INTS1: variants seen among roughly 807,000 people sequenced by gnomAD.
INTS1 encodes integrator complex subunit 1.
INTS1 carries 137 observed loss-of-function variants against 241.6 expected under a neutral mutation model. The observed-to-expected ratio is 0.57, with a 90% CI of 0.49 to 0.65. INTS1 has a LOEUF of 0.65. Ranked by LOEUF, INTS1 falls within the 30% of genes least tolerant of loss-of-function variation. The pLI is 0.00. For synonymous variants in INTS1, 1,692 were observed against 1,337.8 expected, an observed-to-expected ratio of 1.26 and a Z score of -5.78; for missense variants, 3,073 against 3,032.2, an observed-to-expected ratio of 1.01 and a Z score of -0.32.
In INTS1 at chr7:1,476,254, C is replaced by G; in HGVS notation, c.5353G>C (p.Gly1785Arg). The change falls in exon 38 of 48, where the codon GGC becomes CGC. Residue 1785 changes from glycine (G) to arginine (R), a missense_variant. Coordinates refer to ENST00000404767, the MANE Select transcript of INTS1 (RefSeq NM_001080453.3). ...SVRKVTEHLS[G>R]CIQQWGDSVL... Reference sequence around the variant, plus strand: ...CTGTCTCCCCACTGCTGGATGCAGCCTGACAGGTGCTCCGTCACCTTCCTG... The same window carrying G: ...CTGTCTCCCCACTGCTGGATGCAGCGTGACAGGTGCTCCGTCACCTTCCTG... The G allele has an allele frequency of 1.3e-6, 2 of 1,564,484 alleles. No homozygotes were observed. The highest frequency in any genetic ancestry group is 2.4e-5 in the South Asian group (2 of 85,012).
At chr7:1,504,143 C>T in intron 1 of INTS1, 142 bp from the exon 2 acceptor site, 2 of 562,290 alleles carry the variant, frequency 3.6e-6, no homozygotes, top group Non-Finnish European at 3.1e-6. Context: ...GCTGCAGGAG[C>T]TGCAGGGACC....
chr7:1,484,336 G>A (rs1782145693), intron 24 of INTS1, among the ~76,000 whole-genome samples, 166 bp from the exon 25 acceptor site: 1 of 152,166 alleles, frequency 6.6e-6, no homozygotes, highest in African/African-American at 2.4e-5. Flanking sequence ...ACCAGAGCTG[G>A]GTCGGACTCT....
In INTS1 at chr7:1,481,356, T is replaced by C; in HGVS notation, c.3836A>G (p.Asn1279Ser). The C allele has an allele frequency of 1.9e-6, 3 of 1,612,962 alleles. No homozygotes were observed. The highest frequency in any genetic ancestry group is 1.1e-5 in the South Asian group (1 of 91,078). The change falls in exon 28 of 48, where the codon AAC becomes AGC. Residue 1279 changes from asparagine (N) to serine (S), a missense_variant. Physicochemically the swap from Asn to Ser is conservative, Grantham distance 46. Coordinates refer to ENST00000404767, the MANE Select transcript of INTS1 (RefSeq NM_001080453.3). This position sits in a 1 kb window ranked among gnomAD's most constrained non-coding sequence, Gnocchi z 6.8. Reference protein sequence around the residue: ...VAHDPQTLEQNIMDKNYMAHL... With the variant: ...VAHDPQTLEQSIMDKNYMAHL... ...TGGCATCTTACTCTTGTCCATGATG[T>C]TCTGCTCCAGAGTCTGGGGGTCGTG...
rs752105417 is a variant in INTS1, at chr7:1,504,389, C to G, written c.-108G>C. 2.4e-4 allele frequency: 114 copies of G among 472,516 alleles called. No individual in the cohort carries two copies. The highest frequency in any genetic ancestry group is 1.3e-3 in the Middle Eastern group (4 of 3,030). The allele number at this position is 472,516 out of a possible 1,614,324, so 29.3% of individuals were successfully genotyped here. On this transcript the variant is annotated 5_prime_UTR_variant, in exon 1 of 48. Coordinates refer to ENST00000404767, the MANE Select transcript of INTS1 (RefSeq NM_001080453.3). ...CCACCCCGGAATCGGAAACCGATCT[C>G]ACCGCCCTCGAGGACCCGACTTCCG...
At chr7:1,471,712 C>G (rs950417947) in intron 44 of INTS1, 71 bp from the exon 45 acceptor site, 103 of 1,470,906 alleles carry the variant, frequency 7.0e-5, no homozygotes, top group Non-Finnish European at 9.1e-5. Context: ...ACCCCAGCCA[C>G]CCAGAGGGGG....
rs752156807 is a variant in INTS1 at position 1,481,367 on chromosome 7, A to G, written c.3825T>C (p.Thr1275=). ...TCTTGTCCATGATGTTCTGCTCCAG[A>G]GTCTGGGGGTCGTGGGCCACTGCCT... ...LDQAVAHDPQ[T]LEQNIMDKNY... Residue 1275 remains threonine, a synonymous_variant, in exon 28 of 48, where the codon ACT becomes ACC. Coordinates refer to ENST00000404767, the MANE Select transcript of INTS1 (RefSeq NM_001080453.3). This position sits in a 1 kb window ranked among gnomAD's most constrained non-coding sequence, Gnocchi z 6.8. The G allele has an allele frequency of 4.3e-6, 7 of 1,612,658 alleles. No homozygotes were observed. Among genetic ancestry groups the G allele is most frequent in the Non-Finnish European group, 5.1e-6 (6 of 1,179,582 alleles).
rs1781828169 is a variant in INTS1, at chr7:1,478,357, G to C, written c.4630+9C>G. 3 of 1,611,346 alleles carry C rather than the reference G, an allele frequency of 1.9e-6. No homozygotes were observed. The highest frequency in any genetic ancestry group is 2.5e-6 in the Non-Finnish European group (3 of 1,178,852). On this transcript the variant is annotated intron_variant, in intron 33 of 47. Transcript: ENST00000404767. ...GCCGTGGCCCAAGAGGATGGTGCCA[G>C]GAAGGTACCTTTGCTGATCAGGTCC...
intron 21 of INTS1, 66 bp downstream of exon 21, chr7:1,486,856 G>C: frequency 1.3e-6 from 2 of 1,590,030 alleles, no homozygotes; most frequent in Admixed American, 3.4e-5. Flanking sequence ...GTGGGCTCAG[G>C]CATGGGTTGC....
intron 42 of INTS1, 99 bp from the exon 43 acceptor site, chr7:1,473,283 G>T: frequency 1.2e-6 from 1 of 820,610 alleles, no homozygotes; most frequent in South Asian, 1.6e-5. Context: ...TGTGGACACA[G>T]GCATGCAGGA....
Position 1,474,365 on chromosome 7 carries a change from G to A in INTS1, c.5637-5C>T, listed in dbSNP as rs776815810. ...GCCGCGATCATGGGCAGGTGCCTGC[G>A]GGCGCGGTGAGGGCCCAGTCAGCCC... is the stretch of plus-strand genomic sequence containing the variant. On this transcript the variant is annotated splice_polypyrimidine_tract_variant and splice_region_variant and intron_variant, in intron 40 of 47. Transcript: ENST00000404767. 1.1e-5 allele frequency: 17 copies of A among 1,584,002 alleles called. No homozygotes were observed. Among genetic ancestry groups the A allele is most frequent in the South Asian group, 5.6e-5 (5 of 89,470 alleles).
Position 1,478,738 on chromosome 7 carries a change from T to C in INTS1, c.4477A>G (p.Arg1493Gly), listed in dbSNP as rs1229556815. 6.3e-7 allele frequency: 1 copy of C among 1,581,324 alleles called. No individual in the cohort carries two copies. Among genetic ancestry groups the C allele is most frequent in the South Asian group, 1.1e-5 (1 of 87,628 alleles). ...MLASQASAGR[R>G]LSDVRGGLLR... Reference sequence around the variant, plus strand: ...GCGCGGTCCTCACCATCACTGAGCCTGCGCCCGGCTGAGGCCTGGCTGGCA... The same window carrying C: ...GCGCGGTCCTCACCATCACTGAGCCCGCGCCCGGCTGAGGCCTGGCTGGCA... The change falls in exon 32 of 48, where the codon AGG becomes GGG. Residue 1493 changes from arginine to glycine, a missense_variant. Arg to Gly is a moderately radical substitution (Grantham distance 125, BLOSUM62 -2). Transcript: ENST00000404767.
At chr7:1,476,944 T>G in intron 35 of INTS1, 26 bp from the exon 36 acceptor site, 1 of 1,596,452 alleles carries the variant, frequency 6.3e-7, no homozygotes, top group South Asian at 1.1e-5. Flanking sequence ...GAAGCCCGGA[T>G]GGCCTCACCT....
rs966292842 is a variant in INTS1 at position 1,474,366 on chromosome 7, G to T, written c.5637-6C>A. 2 of 1,582,708 alleles carry T rather than the reference G, an allele frequency of 1.3e-6. No individual in the cohort carries two copies. The highest frequency in any genetic ancestry group is 1.7e-6 in the Non-Finnish European group (2 of 1,165,036). ...CCGCGATCATGGGCAGGTGCCTGCG[G>T]GCGCGGTGAGGGCCCAGTCAGCCCC... is the stretch of plus-strand genomic sequence containing the variant. On this transcript the variant is annotated splice_polypyrimidine_tract_variant and splice_region_variant and intron_variant, in intron 40 of 47. Coordinates refer to ENST00000404767, the MANE Select transcript of INTS1 (RefSeq NM_001080453.3).
intron 8 of INTS1, 43 bp from the exon 9 acceptor site, chr7:1,498,895 G>A (rs779389864): frequency 2.6e-6 from 4 of 1,558,532 alleles, no homozygotes; most frequent in East Asian, 2.4e-5. Context: ...GGCCACCCCG[G>A]CAGGAAGACC....
intron 42 of INTS1, 45 bp from the exon 43 acceptor site, chr7:1,473,229 G>A: frequency 7.0e-7 from 1 of 1,427,210 alleles, no homozygotes; most frequent in African/African-American, 1.4e-5. Flanking sequence ...ACGCTGGCAG[G>A]AGGAAGGCTG....
At chr7:1,496,061 C>T (rs1377594691) in intron 12 of INTS1, 95 bp downstream of exon 12, 5 of 896,938 alleles carry the variant, frequency 5.6e-6, no homozygotes, top group East Asian at 2.6e-5. Flanking sequence ...TCCTGCCGGG[C>T]GCTCAGGGGA....
rs1312809609 is a variant in INTS1, at chr7:1,503,884, A to G, written c.58+19T>C. ...ACCCCCAAAGACCCCCGGGCTGCAG[A>G]GCGAGGAGGGAGACGCACCTGAGGG... On this transcript the variant is annotated intron_variant, in intron 2 of 47. Transcript: ENST00000404767. 3.1e-6 allele frequency: 4 copies of G among 1,287,314 alleles called. No individual in the cohort carries two copies. Among genetic ancestry groups the G allele is most frequent in the African/African-American group, 2.3e-5 (1 of 43,858 alleles). 79.7% of individuals were successfully genotyped at this position (1,287,314 alleles called of 1,614,324 possible).
At chr7:1,479,385 G>A (rs551012183) in intron 31 of INTS1, 45 bp downstream of exon 31, 1 of 1,537,800 alleles carries the variant, frequency 6.5e-7, no homozygotes, top group African/African-American at 1.4e-5. Flanking sequence ...GGGAGGCAGA[G>A]CCCTCACTGC....
At position 1,496,205 on chromosome 7, in the gene INTS1, T is replaced by G. The variant is rs1331061697; in HGVS notation, c.1662A>C (p.Thr554=). The part of the protein sequence containing the change: ...VLAVSMMLGI[T]AQVKEAGIAW... Reference sequence around the variant, plus strand: ...CGATGCCGGCCTCCTTCACCTGCGCTGTGATGCCCAGCATCATGGACACGG... The same window carrying G: ...CGATGCCGGCCTCCTTCACCTGCGCGGTGATGCCCAGCATCATGGACACGG... The change falls in exon 12 of 48, where the codon ACA becomes ACC. Residue 554 remains threonine (T), a synonymous_variant. Transcript: ENST00000404767. 6.2e-7 allele frequency: 1 copy of G among 1,613,852 alleles called. No individual in the cohort carries two copies. Among genetic ancestry groups the G allele is most frequent in the Non-Finnish European group, 8.5e-7 (1 of 1,179,806 alleles).
Sources: allele counts gnomAD v4.1 joint callset (sites outside exome capture counted in the v4.1 genomes callset), GRCh38; gene constraint gnomAD v4.1.1; non-coding constraint Gnocchi (gnomAD v3.1); transcripts MANE v1.5; gene names NCBI Gene and HGNC (gene_info 2026-07-23, HGNC 2026-07-21).